Variants in SLF2 observed in about 807,000 individuals in gnomAD.
SLF2 encodes SMC5-SMC6 complex localization factor protein 2.
In SLF2, 68 loss-of-function variants were observed where a neutral mutation model predicts 124.3. The ratio of observed to expected loss-of-function variants is 0.55; its 90% CI spans 0.45 to 0.67. The LOEUF (loss-of-function observed/expected upper bound fraction) is 0.67. SLF2 is among the 30% of genes least tolerant of loss of function. The pLI is 0.00. For missense variants in SLF2, 1,246 were observed against 1,373.7 expected (o/e 0.91, Z 1.47); for synonymous variants, 480 against 478.8 (o/e 1.00, Z -0.03).
chr10:100,917,197 G>A lies in SLF2; in HGVS notation c.812G>A (p.Ser271Asn). ...TCCGAGAATTCTTTCTCAGAAGCAA[G>A]CAGTCTTTCCTTAAAATCTAGTATA... ...INSENSFSEA[S>N]SLSLKSSIER... The change falls in exon 3 of 20, where the codon AGC becomes AAC. Residue 271 changes from serine to asparagine, a missense_variant. This residue lies in a region of SLF2 where 698 missense variants were observed against 708.9 expected (regional missense o/e 0.98). Transcript: ENST00000238961. 1 of 1,614,104 alleles carries A rather than the reference G, an allele frequency of 6.2e-7. No homozygotes were observed. The highest frequency in any genetic ancestry group is 8.5e-7 in the Non-Finnish European group (1 of 1,180,026).
intron 17 of SLF2, among the ~76,000 whole-genome samples, chr10:100,953,779 A>G (rs1014319476): frequency 6.6e-6 from 1 of 151,924 alleles, no homozygotes; most frequent in African/African-American, 2.4e-5. Flanking sequence ...CAGCCTCCCG[A>G]GTAGCTGGGA....
At position 100,962,939 on chromosome 10, in the gene SLF2, T is replaced by C. The variant is rs1850451331; in HGVS notation, c.*1027T>C. 6.6e-6 allele frequency: 1 copy of C among 152,506 alleles called. No individual in the cohort carries two copies. The allele number at this position is 152,506 out of a possible 1,614,324, so 9.4% of individuals were successfully genotyped here. Reference sequence around the variant, plus strand: ...TAAATTCTTAAACACTGGAGAGCCATCCTTTGGTTTAAATGGTAGAGGGTT... The same window carrying C: ...TAAATTCTTAAACACTGGAGAGCCACCCTTTGGTTTAAATGGTAGAGGGTT... On this transcript the variant is annotated 3_prime_UTR_variant, in exon 20 of 20. Transcript: ENST00000238961.
intron 11 of SLF2, among the ~76,000 whole-genome samples, chr10:100,941,187 TG>T (rs1849969501): frequency 6.6e-6 from 1 of 152,122 alleles, no homozygotes; most frequent in Non-Finnish European, 1.5e-5. Flanking sequence ...CCATTTTTGC[TG>T]GTGTGTATAT....
intron 15 of SLF2, among the ~76,000 whole-genome samples, chr10:100,949,827 C>G (rs550215659): frequency 1.6e-3 from 241 of 152,252 alleles, no homozygotes; most frequent in Non-Finnish European, 1.7e-3. Flanking sequence ...AACCTCTAAC[C>G]TCAGGTGATT....
intron 9 of SLF2, among the ~76,000 whole-genome samples, chr10:100,936,754 G>C (rs977518518): frequency 5.3e-5 from 8 of 151,932 alleles, no homozygotes; most frequent in Admixed American, 5.2e-4. Context: ...TTTGATTTTT[G>C]CATGCAGCCT....
chr10:100,934,769 C>G (rs1171610275), intron 9 of SLF2, among the ~76,000 whole-genome samples: 1 of 151,130 alleles, frequency 6.6e-6, no homozygotes, highest in Non-Finnish European at 1.5e-5. Flanking sequence ...CCCACCACCA[C>G]GCCCAGCTAA....
chr10:100,924,219 C>A lies in SLF2; in HGVS notation c.1218C>A (p.Gly406=). The A allele has an allele frequency of 6.2e-7, 1 of 1,614,130 alleles. No homozygotes were observed. The highest frequency in any genetic ancestry group is 2.2e-5 in the East Asian group (1 of 44,876). Residue 406 remains glycine (G), a synonymous_variant, in exon 5 of 20, where the codon GGC becomes GGA. Coordinates refer to ENST00000238961, the MANE Select transcript of SLF2 (RefSeq NM_018121.4). ...ATGAAACTGATGGCTCTTCTGCAGGCTTGGCACCTTCAAATTCTGGCAATT... is the reference window on the plus strand; with the variant it reads ...ATGAAACTGATGGCTCTTCTGCAGGATTGGCACCTTCAAATTCTGGCAATT... ...PSDETDGSSA[G]LAPSNSGNSG...
rs76940620 is a variant in SLF2 at position 100,949,539 on chromosome 10, G to A, written c.3121-537G>A. On this transcript the variant is annotated intron_variant, in intron 15 of 19. Transcript: ENST00000238961. ...TCCCTGTGGCCTCTATGATAATATC[G>A]TTTGGTCTCCTAAGCATTTATCCTA... 4.8e-3 allele frequency among the ~76,000 whole-genome samples: 722 copies of A among 151,340 alleles called. 6 individuals carry two copies. The highest frequency in any genetic ancestry group is 0.017 in the African/African-American group (691 of 41,204).
At chr10:100,950,587 C>T in intron 16 of SLF2, 89 bp from the exon 17 acceptor site, 3 of 1,139,830 alleles carry the variant, frequency 2.6e-6, no homozygotes, top group Non-Finnish European at 3.9e-6. Context: ...ATCCTTTATC[C>T]TTCCTGGGCA....
At chr10:100,946,877 T>G (rs950344987) in intron 13 of SLF2, among the ~76,000 whole-genome samples, 162 bp from the exon 14 acceptor site, 2 of 152,264 alleles carry the variant, frequency 1.3e-5, no homozygotes. Context: ...ATCTGTGTAT[T>G]GTGTACATTT....
At chr10:100,928,040 C>T (rs1286751755) in intron 6 of SLF2, among the ~76,000 whole-genome samples, 1 of 45,238 alleles carries the variant, frequency 2.2e-5, no homozygotes, top group Non-Finnish European at 6.3e-5. Context: ...CACCCCCCCC[C>T]CCCCCCACAC....
At chr10:100,934,541 G>A (rs1849807316) in intron 9 of SLF2, among the ~76,000 whole-genome samples, 1 of 152,014 alleles carries the variant, frequency 6.6e-6, no homozygotes, top group Non-Finnish European at 1.5e-5. Flanking sequence ...AATGACACAA[G>A]CCATATGACT....
intron 2 of SLF2, among the ~76,000 whole-genome samples, chr10:100,916,308 A>T (rs1164437011): frequency 6.6e-6 from 1 of 152,156 alleles, no homozygotes; most frequent in Non-Finnish European, 1.5e-5. Flanking sequence ...ATTCTCTAAT[A>T]CAGTAATTTA....
At chr10:100,926,885 G>A (rs953116874) in intron 6 of SLF2, 2 of 151,588 alleles carry the variant, frequency 1.3e-5, no homozygotes, top group African/African-American at 2.4e-5. Context: ...ACTCTAGCCT[G>A]GGCAACAGAG....
In SLF2 at chr10:100,916,693, G is replaced by T; in HGVS notation, c.308G>T (p.Arg103Met). ...LSSPKESKPK[R>M]VPPEKSPIIE... is the part of the protein sequence containing the mutation. ...TCACCAAAAGAATCTAAACCCAAAAGGGTGCCACCAGAAAAGAGCCCTATT... is the reference window on the plus strand; with the variant it reads ...TCACCAAAAGAATCTAAACCCAAAATGGTGCCACCAGAAAAGAGCCCTATT... The change falls in exon 3 of 20, where the codon AGG becomes ATG. Residue 103 changes from arginine (R) to methionine (M), a missense_variant. Transcript: ENST00000238961. 6.5e-7 allele frequency: 1 copy of T among 1,546,030 alleles called. No homozygotes were observed. The highest frequency in any genetic ancestry group is 2.2e-5 in the Admixed American group (1 of 46,098).
intron 3 of SLF2, 71 bp downstream of exon 3, chr10:100,917,371 T>A: frequency 6.8e-7 from 1 of 1,461,124 alleles, no homozygotes; most frequent in South Asian, 1.4e-5. Flanking sequence ...TTTAAAAATA[T>A]TTAAGAGTTG....
chr10:100,944,451 T>A (rs1053162443), intron 12 of SLF2, among the ~76,000 whole-genome samples: 6 of 139,546 alleles, frequency 4.3e-5, no homozygotes, highest in Admixed American at 1.6e-4. Context: ...GCCGGGATCG[T>A]GCCACTGCAC....
At chr10:100,946,164 T>C (rs540961088) in intron 13 of SLF2, among the ~76,000 whole-genome samples, 1 of 152,128 alleles carries the variant, frequency 6.6e-6, no homozygotes, top group Non-Finnish European at 1.5e-5. Context: ...GTATAATAAA[T>C]TCCTAAGTAT....
rs963343601 is a variant in SLF2, at chr10:100,964,650, C to T, written c.*2738C>T. On this transcript the variant is annotated 3_prime_UTR_variant, in exon 20 of 20. Transcript: ENST00000238961. ...CTCAAATGTAAAAGATACAAAATGG[C>T]GTGTTATCATCCAGGCTTAGTTGGA... 5.2e-5 allele frequency: 8 copies of T among 152,526 alleles called. No homozygotes were observed. Among genetic ancestry groups the T allele is most frequent in the Admixed American group, 6.5e-5 (1 of 15,276 alleles). The allele number at this position is 152,526 out of a possible 1,614,324, so 9.4% of individuals were successfully genotyped here. A position where few individuals can be genotyped will look rare whatever the true frequency, so the allele number is the denominator to read the frequency against.
Sources: allele counts gnomAD v4.1 joint callset (sites outside exome capture counted in the v4.1 genomes callset), GRCh38; gene constraint gnomAD v4.1.1; regional missense constraint gnomAD v4.1.1; transcripts MANE v1.5; gene names NCBI Gene and HGNC (gene_info 2026-07-23, HGNC 2026-07-21).